ERBB4: variants seen among roughly 807,000 people sequenced by gnomAD.
ERBB4 encodes the protein erb-b2 receptor tyrosine kinase 4.
ERBB4 carries 42 observed loss-of-function variants against 158.0 expected under a neutral mutation model. That is an observed-to-expected ratio of 0.27 (90% CI 0.21 to 0.34). The LOEUF is 0.34. ERBB4 is among the 10% of genes least tolerant of loss of function. The probability of loss-of-function intolerance (pLI) is 1.00; values close to 1 mark genes in which losing one functional copy is unlikely to be tolerated. For missense variants in ERBB4, 1,333 were observed against 1,624.1 expected, an observed-to-expected ratio of 0.82 and a Z score of 3.08; for synonymous variants, 583 against 558.7, an observed-to-expected ratio of 1.04 and a Z score of -0.61.
At chr2:211,977,858 C>CAAAAAAAAAAAAAAA in intron 2 of ERBB4, among the ~76,000 whole-genome samples, 1 of 110,058 alleles carries the variant, frequency 9.1e-6, no homozygotes, top group Non-Finnish European at 1.7e-5. Context: ...AACTCCGTCT[C>CAAAAAAAAAAAAAAA]AAAAAAAAAA....
intron 19 of ERBB4, among the ~76,000 whole-genome samples, chr2:211,618,906 T>G (rs931520371): frequency 4.6e-5 from 7 of 152,084 alleles, no homozygotes; most frequent in Non-Finnish European, 1.0e-4. Flanking sequence ...TCTGAATCAA[T>G]GTAGATAATT....
At chr2:211,531,803 C>T (rs1368571242) in intron 20 of ERBB4, among the ~76,000 whole-genome samples, 2 of 151,938 alleles carry the variant, frequency 1.3e-5, no homozygotes, top group African/African-American at 2.4e-5. Flanking sequence ...TCATCCCACT[C>T]CTAGATATAT....
intron 3 of ERBB4, among the ~76,000 whole-genome samples, chr2:211,911,035 A>T (rs572594847): frequency 1.3e-5 from 2 of 152,332 alleles, no homozygotes; most frequent in East Asian, 3.9e-4. Context: ...TTATGAGAAC[A>T]AAATACATTT....
chr2:212,026,295 C>T (rs752343133), intron 2 of ERBB4, among the ~76,000 whole-genome samples: 3 of 151,434 alleles, frequency 2.0e-5, no homozygotes, highest in Non-Finnish European at 4.4e-5. Flanking sequence ...TTTTCAGTCA[C>T]CTATAAGGTT....
chr2:211,832,224 T>G (rs13426904), intron 3 of ERBB4, among the ~76,000 whole-genome samples: 37,363 of 152,064 alleles, frequency 0.25, 5,588 homozygotes, highest in East Asian at 0.42. Flanking sequence ...CTCCACAGAC[T>G]TGACATATAA....
chr2:211,828,329 G>C (rs576683979), intron 3 of ERBB4, among the ~76,000 whole-genome samples: 104 of 152,036 alleles, frequency 6.8e-4, no homozygotes, highest in African/African-American at 2.5e-3. Context: ...TATCATTTTC[G>C]CACCAGAAGA....
chr2:212,053,120 C>T (rs996734114), intron 2 of ERBB4, among the ~76,000 whole-genome samples: 17 of 152,108 alleles, frequency 1.1e-4, no homozygotes, highest in African/African-American at 4.1e-4. Flanking sequence ...GAGTTCAAGG[C>T]TGCAGTGAGC....
intron 1 of ERBB4, among the ~76,000 whole-genome samples, chr2:212,422,253 G>A (rs966974615): frequency 6.6e-6 from 1 of 152,022 alleles, no homozygotes; most frequent in Non-Finnish European, 1.5e-5. Flanking sequence ...TGCTTTAATC[G>A]CAGCACTTTG....
chr2:212,088,747 T>G (rs1318493024), intron 2 of ERBB4, among the ~76,000 whole-genome samples: 2 of 152,124 alleles, frequency 1.3e-5, no homozygotes, highest in African/African-American at 4.8e-5. Flanking sequence ...ATTACTTAAA[T>G]GCCTATAAGA....
intron 3 of ERBB4, among the ~76,000 whole-genome samples, chr2:211,917,197 T>C (rs2079719795): frequency 6.6e-6 from 1 of 152,176 alleles, no homozygotes; most frequent in South Asian, 2.1e-4. Context: ...TTCATACACG[T>C]GTTCTATTTT....
At chr2:211,859,104 C>A (rs2077948834) in intron 3 of ERBB4, among the ~76,000 whole-genome samples, 1 of 152,118 alleles carries the variant, frequency 6.6e-6, no homozygotes, top group South Asian at 2.1e-4. Context: ...TTTAATGTAA[C>A]TTGATAATAT....
chr2:212,004,779 ATTTATATTATAAAACTAATCCCC>A (rs1458041602), intron 2 of ERBB4, among the ~76,000 whole-genome samples: 2 of 152,054 alleles, frequency 1.3e-5, no homozygotes, highest in African/African-American at 4.8e-5. Flanking sequence ...TTAATATTTG[ATTTATATTATAAAACTAATCCCC>A]TTTAGCCTAA....
chr2:212,480,098 A>AC (rs1689611281), intron 1 of ERBB4, among the ~76,000 whole-genome samples: 2 of 152,152 alleles, frequency 1.3e-5, no homozygotes, highest in Admixed American at 1.3e-4. Flanking sequence ...CTTATTTTCA[A>AC]CTCTGTCTCT....
chr2:212,003,231 A>C (rs1319175778), intron 2 of ERBB4, among the ~76,000 whole-genome samples: 2 of 144,798 alleles, frequency 1.4e-5, no homozygotes, highest in African/African-American at 2.5e-5. Context: ...GAAGGAAGGA[A>C]GGAAGGAAGG....
intron 3 of ERBB4, among the ~76,000 whole-genome samples, chr2:211,875,543 A>C (rs1262749511): frequency 2.6e-5 from 4 of 152,228 alleles, no homozygotes; most frequent in Admixed American, 6.5e-5. Flanking sequence ...TGGTCTCATA[A>C]GATTTTAATG....
chr2:211,753,264 T>G (rs566277044), intron 4 of ERBB4, among the ~76,000 whole-genome samples: 1 of 148,142 alleles, frequency 6.8e-6, no homozygotes, highest in Non-Finnish European at 1.5e-5. Context: ...CCATAGTAAT[T>G]ATCTGCCTAG....
rs1345186629 is a variant in ERBB4, at chr2:211,384,025, A to T, written c.3517T>A (p.Ser1173Thr). 1 of 1,613,852 alleles carries T rather than the reference A, an allele frequency of 6.2e-7. No homozygotes were observed. Among genetic ancestry groups the T allele is most frequent in the East Asian group, 2.2e-5 (1 of 44,874 alleles). The change falls in exon 28 of 28, where the codon TCT becomes ACT. Residue 1173 changes from serine (S) to threonine (T), a missense_variant. Transcript: ENST00000342788. ...TGAAGGTCTCCATTTTTTCTCCGAGAAACAAAAGGGTTCTCCTCCACTGGA... is the reference window on the plus strand; with the variant it reads ...TGAAGGTCTCCATTTTTTCTCCGAGTAACAAAAGGGTTCTCCTCCACTGGA... ...LNPVEENPFVSRRKNGDLQAL... is the reference protein window; with the variant it reads ...LNPVEENPFVTRRKNGDLQAL...
intron 4 of ERBB4, among the ~76,000 whole-genome samples, chr2:211,781,460 G>C (rs1320870193): frequency 1.3e-5 from 2 of 152,150 alleles, no homozygotes; most frequent in African/African-American, 2.4e-5. Flanking sequence ...TGATGTACCT[G>C]GCGTAATCAA....
intron 16 of ERBB4, among the ~76,000 whole-genome samples, chr2:211,635,614 G>T (rs1403271080): frequency 6.6e-6 from 1 of 151,998 alleles, no homozygotes; most frequent in East Asian, 1.9e-4. Context: ...CAAAAAAAAT[G>T]TAATAAAGTC....
Sources: gnomAD v4.1 joint callset for allele counts (sites outside exome capture counted in the v4.1 genomes callset) on GRCh38, gnomAD v4.1.1 for gene constraint, MANE v1.5 for transcripts, NCBI Gene and HGNC (gene_info 2026-07-23, HGNC 2026-07-21) for gene names.